The following COLGALT2 variants were observed in gnomAD, a reference collection of about 807,000 sequenced individuals.
COLGALT2 encodes the protein collagen beta(1-O)galactosyltransferase 2.
Under a neutral mutation model 73.4 loss-of-function variants are expected in COLGALT2, and 49 were observed. The ratio of observed to expected loss-of-function variants is 0.67; its 90% CI spans 0.53 to 0.85. The LOEUF is 0.85. Ranked by LOEUF, COLGALT2 falls within the 40% of genes least tolerant of loss-of-function variation. The pLI is 0.00. For missense variants in COLGALT2, 722 were observed against 790.2 expected (o/e 0.91, Z 1.03); for synonymous variants, 295 against 307.6 (o/e 0.96, Z 0.43).
chr1:183,935,767 C>A, downstream of COLGALT2: 1 of 803,608 alleles, frequency 1.2e-6, no homozygotes, highest in South Asian at 5.7e-5. Flanking sequence ...TGGTCAAGGG[C>A]AGACCTGGTA....
In COLGALT2 at chr1:183,990,946, T is replaced by C. The variant is rs188712017; in HGVS notation, c.264-12426A>G. Among the ~76,000 whole-genome samples the C allele has an allele frequency of 4.5e-4, 69 of 152,364 alleles. No homozygotes were observed. In the Middle Eastern group the frequency reaches 0.01, roughly 23 times the overall value. ...ATAATTCTCTGAAATTATGTGTTTT[T>C]CCAGATTGTGACAGGTATTGCTGTT... On this transcript the variant is annotated intron_variant, in intron 1 of 11. Coordinates refer to ENST00000361927, the MANE Select transcript of COLGALT2 (RefSeq NM_015101.4).
In COLGALT2 at chr1:183,978,346, CT is replaced by C. The variant is rs1055667359; in HGVS notation, c.374+63del. The C allele has an allele frequency of 6.7e-6, 6 of 891,572 alleles. No homozygotes were observed. The African/African-American group carries it at 9.9e-5, about 15-fold the overall frequency. The allele number at this position is 891,572 out of a possible 1,614,324, so 55.2% of individuals were successfully genotyped here. A position where few individuals can be genotyped will look rare whatever the true frequency, so the allele number is the denominator to read the frequency against. On this transcript the variant is annotated intron_variant, in intron 2 of 11. Transcript: ENST00000361927. Reference sequence around the variant, plus strand: ...ACATGTACCTCCAAACCTGGAAGCCCTAAAGAGCTAGTTAAAGAGGAAGGGT... The same window carrying C: ...ACATGTACCTCCAAACCTGGAAGCCCAAAGAGCTAGTTAAAGAGGAAGGGT...
chr1:183,977,102 C>A lies in COLGALT2; in HGVS notation c.374+1308G>T, dbSNP rs887619758. On this transcript the variant is annotated intron_variant, in intron 2 of 11. Coordinates refer to ENST00000361927, the MANE Select transcript of COLGALT2 (RefSeq NM_015101.4). ...AGTATTTTTAATAAAGAAATGAAAC[C>A]ATTTCATTTGTATTTGAGGTAGATT... Among the ~76,000 whole-genome samples, 4 of 152,036 alleles carry A rather than the reference C, an allele frequency of 2.6e-5. No individual in the cohort carries two copies. In the South Asian group the frequency reaches 8.3e-4, roughly 32 times the overall value.
intron 4 of COLGALT2, among the ~76,000 whole-genome samples, chr1:183,971,808 T>A (rs1671045225): frequency 6.6e-6 from 1 of 152,202 alleles, no homozygotes; most frequent in Non-Finnish European, 1.5e-5. Context: ...ATCACGTTAA[T>A]CCCCACCACT....
Position 184,021,864 on chromosome 1 carries a change from C to A in COLGALT2, c.263+15231G>T, listed in dbSNP as rs149521451. Among the ~76,000 whole-genome samples the A allele has an allele frequency of 2.4e-4, 36 of 152,280 alleles. No homozygotes were observed. The East Asian group carries it at 6.6e-3, about 28-fold the overall frequency. On this transcript the variant is annotated intron_variant, in intron 1 of 11. Coordinates refer to ENST00000361927, the MANE Select transcript of COLGALT2 (RefSeq NM_015101.4). ...CAGACAAAGCTGGGAGGAGTTTGAA[C>A]AAGTATTTGGAAGCAAGTCCCCAGA...
At chr1:183,971,565 A>G (rs1329796344) in intron 4 of COLGALT2, among the ~76,000 whole-genome samples, 4 of 152,234 alleles carry the variant, frequency 2.6e-5, no homozygotes, top group African/African-American at 9.6e-5. Context: ...ATTTAAACCA[A>G]TATAATGTTT....
intron 1 of COLGALT2, among the ~76,000 whole-genome samples, chr1:184,004,832 G>A (rs1323340416): frequency 3.9e-5 from 6 of 152,060 alleles, no homozygotes; most frequent in African/African-American, 1.4e-4. Flanking sequence ...GAGTCACAGA[G>A]AGTCACAGAG....
At chr1:184,000,818 GCCC>G (rs908072429) in intron 1 of COLGALT2, among the ~76,000 whole-genome samples, 2 of 147,706 alleles carry the variant, frequency 1.4e-5, no homozygotes, top group African/African-American at 2.5e-5. Context: ...GTGTATTTCA[GCCC>G]CCCATTTTTT....
At chr1:183,966,528 C>T (rs1411498908) in intron 5 of COLGALT2, among the ~76,000 whole-genome samples, 2 of 152,164 alleles carry the variant, frequency 1.3e-5, no homozygotes, top group African/African-American at 4.8e-5. Flanking sequence ...TCTACCCAGT[C>T]AGTAATTGGA....
At chr1:183,978,286 C>T in intron 2 of COLGALT2, 124 bp downstream of exon 2, 2 of 591,032 alleles carry the variant, frequency 3.4e-6, no homozygotes, top group Non-Finnish European at 6.0e-6. Flanking sequence ...ATTCAGAACT[C>T]ACATAGCTAC....
intron 4 of COLGALT2, among the ~76,000 whole-genome samples, chr1:183,971,054 G>T (rs766371737): frequency 3.3e-5 from 5 of 152,204 alleles, no homozygotes; most frequent in South Asian, 2.1e-4. Flanking sequence ...TGGGGTGGGG[G>T]TGAGAAGGAA....
chr1:184,021,900 A>C (rs144038381), intron 1 of COLGALT2, among the ~76,000 whole-genome samples: 63 of 152,350 alleles, frequency 4.1e-4, no homozygotes, highest in Non-Finnish European at 6.9e-4. Context: ...CAGGATTTGC[A>C]GCCCATGTCT....
rs760334750 is a variant in COLGALT2 at position 183,936,202 on chromosome 1, A to C, written c.*2559T>G. ...CTCTATACTGACGCCCTCACATGAC[A>C]CTGCAAAGGTCAAATGTCAAAGGTC... On this transcript the variant is annotated 3_prime_UTR_variant, in exon 12 of 12. Coordinates refer to ENST00000361927, the MANE Select transcript of COLGALT2 (RefSeq NM_015101.4). The C allele has an allele frequency of 1.1e-4, 105 of 985,402 alleles. No individual in the cohort carries two copies. The highest frequency in any genetic ancestry group is 1.3e-4 in the Non-Finnish European group (104 of 829,972). 61.0% of individuals were successfully genotyped at this position (985,402 alleles called of 1,614,324 possible).
Position 183,935,878 on chromosome 1 carries a change from G to A in COLGALT2, c.*2883C>T, listed in dbSNP as rs1572623075. ...TAATTTTTCACAAAGAGCTCCAGAAGGCAAATAGTTTATCACTTCCCCACT... is the reference window on the plus strand; with the variant it reads ...TAATTTTTCACAAAGAGCTCCAGAAAGCAAATAGTTTATCACTTCCCCACT... On this transcript the variant is annotated 3_prime_UTR_variant, in exon 12 of 12. Transcript: ENST00000361927. 1.0e-6 allele frequency: 1 copy of A among 985,366 alleles called. No individual in the cohort carries two copies. The highest frequency in any genetic ancestry group is 4.7e-5 in the South Asian group (1 of 21,278). The allele number at this position is 985,366 out of a possible 1,614,324, so 61.0% of individuals were successfully genotyped here.
At position 184,017,649 on chromosome 1, in the gene COLGALT2, G is replaced by A. The variant is rs544666326; in HGVS notation, c.263+19446C>T. Among the ~76,000 whole-genome samples the A allele has an allele frequency of 5.9e-5, 9 of 152,278 alleles. No homozygotes were observed. The South Asian group carries it at 1.9e-3, about 32-fold the overall frequency. ...ATGATAGAGGGGAAGTTGGCTAAGT[G>A]GTCTTAGCCAATTGCTTATAAAATA... On this transcript the variant is annotated intron_variant, in intron 1 of 11. Transcript: ENST00000361927.
intron 1 of COLGALT2, among the ~76,000 whole-genome samples, chr1:184,005,000 T>G (rs2102841972): frequency 6.6e-6 from 1 of 152,336 alleles, no homozygotes; most frequent in African/African-American, 2.4e-5. Flanking sequence ...AAGCTGTCAT[T>G]TCTTTTAACA....
At chr1:183,978,998 T>C (rs550671726) in intron 1 of COLGALT2, among the ~76,000 whole-genome samples, 1 of 152,328 alleles carries the variant, frequency 6.6e-6, no homozygotes, top group South Asian at 2.1e-4. Flanking sequence ...AAATATCTAG[T>C]CAATGCTGCT....
chr1:184,025,728 T>A (rs1054770756), intron 1 of COLGALT2, among the ~76,000 whole-genome samples: 1 of 152,208 alleles, frequency 6.6e-6, no homozygotes, highest in African/African-American at 2.4e-5. Flanking sequence ...GACAACACTC[T>A]TAGCAAACAC....
intron 6 of COLGALT2, among the ~76,000 whole-genome samples, chr1:183,962,661 T>G (rs59809579): frequency 0.038 from 5,777 of 152,216 alleles, 385 homozygotes; most frequent in African/African-American, 0.13. Flanking sequence ...TTCCCACTGT[T>G]ACTGCTCTAG....
Sources: gnomAD v4.1 joint callset for allele counts (sites outside exome capture counted in the v4.1 genomes callset) on GRCh38, gnomAD v4.1.1 for gene constraint, MANE v1.5 for transcripts, NCBI Gene and HGNC (gene_info 2026-07-23, HGNC 2026-07-21) for gene names.